Variants in SPAG16 observed in about 807,000 individuals in gnomAD.
The protein encoded by SPAG16 is sperm associated antigen 16, also known as sperm-associated antigen 16 protein.
Under a neutral mutation model 80.4 loss-of-function variants are expected in SPAG16, and 86 were observed. That is an observed-to-expected ratio of 1.07 (90% CI 0.90 to 1.28). The LOEUF is 1.28. Among genes scored for constraint, SPAG16 ranks in the 50% most tolerant of loss-of-function variants. The pLI, the probability that SPAG16 is intolerant of heterozygous loss-of-function variation, is 0.00. For synonymous variants in SPAG16, 294 were observed against 265.9 expected (o/e 1.11, Z -1.03); for missense variants, 870 against 765.3 (o/e 1.14, Z -1.61).
At chr2:213,895,277 A>C (rs2076952430) in intron 11 of SPAG16, among the ~76,000 whole-genome samples, 1 of 152,174 alleles carries the variant, frequency 6.6e-6, no homozygotes, top group Non-Finnish European at 1.5e-5. Flanking sequence ...AGAGGACAGA[A>C]ACAAATGAAA....
chr2:213,395,110 C>A (rs774724954), intron 9 of SPAG16, among the ~76,000 whole-genome samples: 4 of 152,012 alleles, frequency 2.6e-5, no homozygotes, highest in Non-Finnish European at 4.4e-5. Context: ...TGTTTCTTCT[C>A]CCATTTATTT....
chr2:213,830,493 G>GT (rs1197387368), intron 10 of SPAG16, among the ~76,000 whole-genome samples: 1 of 152,092 alleles, frequency 6.6e-6, no homozygotes, highest in Non-Finnish European at 1.5e-5. Flanking sequence ...TATAAAGGTG[G>GT]TTTTTTTGTG....
intron 15 of SPAG16, among the ~76,000 whole-genome samples, chr2:214,191,308 A>G (rs1014954562): frequency 4.6e-5 from 7 of 152,102 alleles, no homozygotes; most frequent in African/African-American, 1.7e-4. Flanking sequence ...GGAGCTATGC[A>G]TTTTCAAATT....
intron 10 of SPAG16, among the ~76,000 whole-genome samples, chr2:213,718,186 T>C (rs1054015272): frequency 7.0e-6 from 1 of 143,258 alleles, no homozygotes; most frequent in Non-Finnish European, 1.5e-5. Flanking sequence ...CACCAAATAG[T>C]GGGCAAAGGA....
At chr2:213,663,220 G>A (rs1258128597) in intron 10 of SPAG16, among the ~76,000 whole-genome samples, 1 of 152,058 alleles carries the variant, frequency 6.6e-6, no homozygotes, top group African/African-American at 2.4e-5. Flanking sequence ...AAATTCTATA[G>A]TGAGTTCTTA....
intron 10 of SPAG16, among the ~76,000 whole-genome samples, chr2:213,643,767 CTTTTTTTTTTTTTT>C (rs71063764): frequency 7.7e-5 from 4 of 52,004 alleles, no homozygotes; most frequent in Non-Finnish European, 1.4e-4. Flanking sequence ...CTCACTACTT[CTTTTTTTTTTTTTT>C]TTTTTTTTTT....
intron 15 of SPAG16, among the ~76,000 whole-genome samples, chr2:214,381,395 A>G (rs935709493): frequency 1.3e-5 from 2 of 152,220 alleles, no homozygotes; most frequent in Admixed American, 6.5e-5. Context: ...TGCATAGAGC[A>G]TAAGACATAA....
chr2:213,485,635 T>G (rs111678583), intron 9 of SPAG16, among the ~76,000 whole-genome samples: 5 of 152,278 alleles, frequency 3.3e-5, no homozygotes, highest in African/African-American at 1.2e-4. Flanking sequence ...TACTTATATT[T>G]GTGACCTAGT....
intron 10 of SPAG16, among the ~76,000 whole-genome samples, chr2:213,646,176 C>A (rs1487002263): frequency 6.6e-6 from 1 of 152,164 alleles, no homozygotes; most frequent in African/African-American, 2.4e-5. Context: ...CCCTTCAGTG[C>A]CTCTTTCGAC....
At chr2:214,190,985 T>C (rs538936135) in intron 15 of SPAG16, among the ~76,000 whole-genome samples, 1 of 152,290 alleles carries the variant, frequency 6.6e-6, no homozygotes, top group Admixed American at 6.5e-5. Context: ...GTTTAGATTA[T>C]TCAATTTATA....
chr2:214,110,994 A>T (rs1293466128), intron 14 of SPAG16, among the ~76,000 whole-genome samples: 1 of 151,338 alleles, frequency 6.6e-6, no homozygotes, highest in Non-Finnish European at 1.5e-5. Context: ...TTTTCCTAGT[A>T]AATTTGTTTG....
In SPAG16 at chr2:213,796,763, G is replaced by A. The variant is rs534533869; in HGVS notation, c.1071-65722G>A. Among the ~76,000 whole-genome samples, 6 of 152,008 alleles carry A rather than the reference G, an allele frequency of 3.9e-5. No individual in the cohort carries two copies. In the South Asian group the frequency reaches 1.2e-3, roughly 32 times the overall value. ...TACATAATACTTGATAATAAATAAA[G>A]TTACTGGTTTATATATTTACTGTAT... On this transcript the variant is annotated intron_variant, in intron 10 of 15. Coordinates refer to ENST00000331683, the MANE Select transcript of SPAG16 (RefSeq NM_024532.5).
At chr2:213,309,996 A>G in intron 3 of SPAG16, 63 bp from the exon 4 acceptor site, 2 of 1,057,678 alleles carry the variant, frequency 1.9e-6, no homozygotes, top group Non-Finnish European at 2.8e-6. Context: ...TCGAAGGCTT[A>G]TCTATATCAT....
At chr2:214,087,032 A>AC (rs1553713076) in intron 13 of SPAG16, among the ~76,000 whole-genome samples, 1 of 151,862 alleles carries the variant, frequency 6.6e-6, no homozygotes, top group Non-Finnish European at 1.5e-5. Flanking sequence ...CTTTCTTGTG[A>AC]TTTTTCATTC....
intron 9 of SPAG16, among the ~76,000 whole-genome samples, chr2:213,404,113 A>G (rs1229311547): frequency 3.9e-5 from 6 of 152,060 alleles, no homozygotes; most frequent in East Asian, 1.9e-4. Flanking sequence ...AATCAATATC[A>G]TGAAAATGGC....
At chr2:213,871,640 G>T (rs1373278706) in intron 11 of SPAG16, among the ~76,000 whole-genome samples, 2 of 152,008 alleles carry the variant, frequency 1.3e-5, no homozygotes, top group African/African-American at 4.8e-5. Context: ...CTAAGGCTAA[G>T]TTGTAAACTT....
Position 213,920,611 on chromosome 2 carries a change from G to T in SPAG16, c.1215-9349G>T, listed in dbSNP as rs188259642. The stretch of plus-strand genomic sequence containing the variant: ...CACCACTGCAGGAGCTATTATGTGG[G>T]CTCCCAGAGCACCTGCTTGTTCTAC... On this transcript the variant is annotated intron_variant, in intron 11 of 15. Coordinates refer to ENST00000331683, the MANE Select transcript of SPAG16 (RefSeq NM_024532.5). 1.2e-3 allele frequency among the ~76,000 whole-genome samples: 176 copies of T among 152,280 alleles called. 2 individuals carry two copies. The highest frequency in any genetic ancestry group is 3.4e-3 in the Middle Eastern group (1 of 294).
At chr2:213,497,501 G>A (rs1456109323) in intron 10 of SPAG16, among the ~76,000 whole-genome samples, 5 of 148,784 alleles carry the variant, frequency 3.4e-5, no homozygotes, top group African/African-American at 7.5e-5. Context: ...AGGCTTTATC[G>A]TTGGTCACAG....
intron 10 of SPAG16, among the ~76,000 whole-genome samples, chr2:213,626,431 TA>T (rs952706192): frequency 9.2e-5 from 14 of 151,994 alleles, no homozygotes; most frequent in South Asian, 2.1e-4. Flanking sequence ...TTCATTTGCT[TA>T]AAAAAATGGA....
Sources: allele counts gnomAD v4.1 joint callset (sites outside exome capture counted in the v4.1 genomes callset), GRCh38; gene constraint gnomAD v4.1.1; transcripts MANE v1.5; gene names NCBI Gene and HGNC (gene_info 2026-07-23, HGNC 2026-07-21).